Variants in TIMM23 observed in about 807,000 individuals in gnomAD.
TIMM23 encodes mitochondrial import inner membrane translocase subunit Tim23.
In TIMM23, 19 loss-of-function variants were observed where a neutral mutation model predicts 30.7. The ratio of observed to expected loss-of-function variants is 0.62; its 90% CI spans 0.43 to 0.91. TIMM23 has a LOEUF of 0.91. Ranked by LOEUF, TIMM23 falls within the 40% of genes least tolerant of loss-of-function variation. The pLI, the probability that TIMM23 is intolerant of heterozygous loss-of-function variation, is 0.00. For synonymous variants in TIMM23, 78 were observed against 98.5 expected (o/e 0.79, Z 1.23); for missense variants, 202 against 269.2 (o/e 0.75, Z 1.75).
At chr10:45,976,826 A>C (rs1345200086) in intron 2 of TIMM23, among the ~76,000 whole-genome samples, 1 of 152,226 alleles carries the variant, frequency 6.6e-6, no homozygotes, top group Non-Finnish European at 1.5e-5. Flanking sequence ...TTGAGAAAGA[A>C]GTTAAACTAT....
Position 45,982,928 on chromosome 10 carries a change from A to G in TIMM23, c.342A>G (p.Val114=). 6.2e-7 allele frequency: 1 copy of G among 1,614,002 alleles called. No homozygotes were observed. Among genetic ancestry groups the G allele is most frequent in the East Asian group, 2.2e-5 (1 of 44,874 alleles). ...TGGCCTGGTCCAAACCAAGAAATGT[A>G]CAGTAAGTCTCTTGTAACCATCTGA... The part of the protein sequence containing the change: ...QNMAWSKPRN[V]QILNMVTRQG... Residue 114 remains valine (V), a splice_region_variant and synonymous_variant, in exon 4 of 7, where the codon GTA becomes GTG. Transcript: ENST00000580018.
intron 6 of TIMM23, among the ~76,000 whole-genome samples, chr10:45,989,126 A>G (rs1319968921): frequency 6.6e-6 from 1 of 152,200 alleles, no homozygotes; most frequent in South Asian, 2.1e-4. Flanking sequence ...CTCTGTACCT[A>G]TTAAGCCTCC....
chr10:45,990,700 G>A, intron 6 of TIMM23: 1 of 421,746 alleles, frequency 2.4e-6, no homozygotes, highest in Non-Finnish European at 4.6e-6. Context: ...TAGGATTGCA[G>A]ATGTGAGCTA....
chr10:45,986,360 G>C (rs1256837461), intron 5 of TIMM23, among the ~76,000 whole-genome samples: 2 of 152,058 alleles, frequency 1.3e-5, no homozygotes, highest in Non-Finnish European at 2.9e-5. Context: ...AGCTGTCCTT[G>C]TCTGCGTAGG....
intron 6 of TIMM23, 131 bp from the exon 7 acceptor site, chr10:46,003,072 C>A: frequency 1.5e-6 from 1 of 645,786 alleles, no homozygotes; most frequent in Non-Finnish European, 2.7e-6. Flanking sequence ...CCACCTCGGC[C>A]TCCCGAAGTG....
chr10:45,994,834 T>A (rs1290885879), intron 6 of TIMM23, among the ~76,000 whole-genome samples: 3 of 152,158 alleles, frequency 2.0e-5, no homozygotes, highest in African/African-American at 7.2e-5. Flanking sequence ...AAATGTAAAC[T>A]TCTTCAGTGG....
chr10:45,990,623 G>A (rs2813155), intron 6 of TIMM23: 2 of 402,608 alleles, frequency 5.0e-6, no homozygotes, highest in Admixed American at 3.2e-5. Flanking sequence ...GGGTCTCACT[G>A]TGTTGCCCAA....
chr10:45,998,875 G>A (rs970028359), intron 6 of TIMM23, among the ~76,000 whole-genome samples: 7 of 140,550 alleles, frequency 5.0e-5, no homozygotes, highest in Non-Finnish European at 7.5e-5. Flanking sequence ...CTGTATCGCC[G>A]AGGCTAGAGT....
chr10:45,984,796 C>T (rs1421384505), intron 4 of TIMM23: 2 of 297,566 alleles, frequency 6.7e-6, no homozygotes, highest in Non-Finnish European at 1.3e-5. Flanking sequence ...TGGTTCTAGT[C>T]TAGGAGCAGA....
rs1385765380 is a variant in TIMM23, at chr10:45,981,536, C to T, written c.166-987C>T. On this transcript the variant is annotated intron_variant, in intron 2 of 6. Coordinates refer to ENST00000580018, the MANE Select transcript of TIMM23 (RefSeq NM_006327.4). The stretch of plus-strand genomic sequence containing the variant: ...GAGTGGATGTGTTTGTTTACTTTTG[C>T]AATTTTTGGTGAGGATGTGTGCACA... Among the ~76,000 whole-genome samples, 4 of 151,772 alleles carry T rather than the reference C, an allele frequency of 2.6e-5. No homozygotes were observed. In the South Asian group the frequency reaches 6.2e-4, roughly 24 times the overall value.
chr10:45,997,179 G>C (rs1311312585), intron 6 of TIMM23, among the ~76,000 whole-genome samples: 9 of 151,848 alleles, frequency 5.9e-5, no homozygotes, highest in Non-Finnish European at 1.0e-4. Context: ...CCGTGATCAT[G>C]CCACTGCACT....
intron 2 of TIMM23, among the ~76,000 whole-genome samples, chr10:45,976,534 C>G (rs1297223078): frequency 1.3e-5 from 2 of 151,818 alleles, no homozygotes; most frequent in Non-Finnish European, 2.9e-5. Context: ...TCGCTTGAAC[C>G]CTGGAGACAA....
rs1214941777 is a variant in TIMM23 at position 45,987,739 on chromosome 10, A to G, written c.404-998A>G. Among the ~76,000 whole-genome samples the G allele has an allele frequency of 8.0e-5, 12 of 150,578 alleles. No individual in the cohort carries two copies. The East Asian group carries it at 2.4e-3, about 30-fold the overall frequency. Reference sequence around the variant, plus strand: ...GCAAGCCTCCCACCTCAGCCTTTCAAGGAGCTGGGACTACAGGCAACATGC... The same window carrying G: ...GCAAGCCTCCCACCTCAGCCTTTCAGGGAGCTGGGACTACAGGCAACATGC... On this transcript the variant is annotated intron_variant, in intron 5 of 6. Transcript: ENST00000580018.
chr10:45,996,863 G>T (rs1183131591), intron 6 of TIMM23, among the ~76,000 whole-genome samples: 1 of 151,586 alleles, frequency 6.6e-6, no homozygotes, highest in Non-Finnish European at 1.5e-5. Context: ...TACTGGGAAG[G>T]CTGAGATGGG....
chr10:45,975,728 G>A, intron 2 of TIMM23, among the ~76,000 whole-genome samples: 1 of 152,132 alleles, frequency 6.6e-6, no homozygotes, highest in East Asian at 1.9e-4. Context: ...AACCAGAGCA[G>A]AATTAATTTT....
intron 6 of TIMM23, among the ~76,000 whole-genome samples, chr10:46,000,990 A>G (rs1284857357): frequency 1.3e-5 from 2 of 152,196 alleles, no homozygotes; most frequent in African/African-American, 4.8e-5. Flanking sequence ...AATTAGATCT[A>G]ATAACTGAGC....
At chr10:45,995,306 TAAG>T (rs1838295923) in intron 6 of TIMM23, among the ~76,000 whole-genome samples, 1 of 151,996 alleles carries the variant, frequency 6.6e-6, no homozygotes, top group Non-Finnish European at 1.5e-5. Flanking sequence ...TCCTCTGTCT[TAAG>T]AATACATATA....
At position 45,976,547 on chromosome 10, in the gene TIMM23, G is replaced by C. The variant is rs1184106380; in HGVS notation, c.165+1035G>C. 7.9e-5 allele frequency among the ~76,000 whole-genome samples: 12 copies of C among 152,172 alleles called. 1 individual carries two copies. In the East Asian group the frequency reaches 2.3e-3, roughly 29 times the overall value. On this transcript the variant is annotated intron_variant, in intron 2 of 6. Coordinates refer to ENST00000580018, the MANE Select transcript of TIMM23 (RefSeq NM_006327.4). ...AATCGCTTGAACCCTGGAGACAAAGGTTGCAGTGAGCTGAGAACACCCCAC... is the reference window on the plus strand; with the variant it reads ...AATCGCTTGAACCCTGGAGACAAAGCTTGCAGTGAGCTGAGAACACCCCAC...
At chr10:45,998,874 C>T (rs1022997158) in intron 6 of TIMM23, among the ~76,000 whole-genome samples, 1 of 148,320 alleles carries the variant, frequency 6.7e-6, no homozygotes, top group Non-Finnish European at 1.5e-5. Flanking sequence ...GCTGTATCGC[C>T]GAGGCTAGAG....
Sources: gnomAD v4.1 joint callset for allele counts (sites outside exome capture counted in the v4.1 genomes callset) on GRCh38, gnomAD v4.1.1 for gene constraint, MANE v1.5 for transcripts, NCBI Gene and HGNC (gene_info 2026-07-23, HGNC 2026-07-21) for gene names.